Variants in USP34 observed in about 807,000 individuals in gnomAD.
USP34 encodes ubiquitin specific peptidase 34, also known as ubiquitin carboxyl-terminal hydrolase 34.
A neutral mutation model predicts 460.3 loss-of-function variants in USP34; 70 were observed. That is an observed-to-expected ratio of 0.15 (90% CI 0.13 to 0.19). The LOEUF is 0.19. USP34 is among the 10% of genes least tolerant of loss of function. USP34 has a pLI of 1.00. For missense variants in USP34, 3,985 were observed against 4,236.2 expected (o/e 0.94, Z 1.65); for synonymous variants, 1,647 against 1,405.3 (o/e 1.17, Z -3.85).
Position 61,296,666 on chromosome 2 carries a change from T to C in USP34, c.4254+134A>G, listed in dbSNP as rs533148615. 8 of 875,874 alleles carry C rather than the reference T, an allele frequency of 9.1e-6. No homozygotes were observed. In the East Asian group the frequency reaches 2.2e-4, roughly 25 times the overall value. 54.3% of individuals were successfully genotyped at this position (875,874 alleles called of 1,614,324 possible). A position where few individuals can be genotyped will look rare whatever the true frequency, so the allele number is the denominator to read the frequency against. ...AATGAACATTAAAATGCAGTGGCAC[T>C]TTTTACCTACTATATGGGTAAAAAC... is the stretch of plus-strand genomic sequence containing the variant. On this transcript the variant is annotated intron_variant, in intron 30 of 79. Coordinates refer to ENST00000398571, the MANE Select transcript of USP34 (RefSeq NM_014709.4).
At chr2:61,421,016 G>C (rs2103973014) in intron 1 of USP34, among the ~76,000 whole-genome samples, 183 bp from the exon 2 acceptor site, 1 of 151,690 alleles carries the variant, frequency 6.6e-6, no homozygotes, top group East Asian at 1.9e-4. Context: ...ATTTTTGACA[G>C]ATGTAAGGGG....
intron 43 of USP34, among the ~76,000 whole-genome samples, chr2:61,262,538 A>G (rs1688922846): frequency 6.6e-6 from 1 of 152,106 alleles, no homozygotes; most frequent in Non-Finnish European, 1.5e-5. Context: ...ATGGCTGCAT[A>G]GTGTTCTATG....
At chr2:61,334,223 T>C (rs1392618239) in intron 18 of USP34, among the ~76,000 whole-genome samples, 1 of 152,122 alleles carries the variant, frequency 6.6e-6, no homozygotes. Flanking sequence ...AAAAAGCAAG[T>C]GAAGAGCATT....
At chr2:61,297,476 C>T (rs1377212890) in intron 29 of USP34, among the ~76,000 whole-genome samples, 2 of 152,080 alleles carry the variant, frequency 1.3e-5, no homozygotes, top group East Asian at 3.8e-4. Flanking sequence ...CTTGCTAAGG[C>T]AAGAGTAAGC....
intron 16 of USP34, among the ~76,000 whole-genome samples, chr2:61,340,845 G>A (rs1324135636): frequency 6.9e-6 from 1 of 145,814 alleles, no homozygotes; most frequent in Non-Finnish European, 1.5e-5. Context: ...ATTTCTTCTA[G>A]TCTGTGGCTT....
chr2:61,452,406 C>A (rs1187659805), intron 1 of USP34, among the ~76,000 whole-genome samples: 1 of 142,884 alleles, frequency 7.0e-6, no homozygotes, highest in Admixed American at 7.5e-5. Context: ...CTCATTGCAA[C>A]CTCGACCTCC....
intron 19 of USP34, 114 bp from the exon 20 acceptor site, chr2:61,331,485 T>C (rs1477746968): frequency 1.1e-5 from 8 of 731,636 alleles, no homozygotes; most frequent in African/African-American, 1.8e-5. Context: ...AAAATTTTAG[T>C]TACGAAAAAT....
rs1223389056 is a variant in USP34, at chr2:61,412,092, G to A, written c.132-5964C>T. Among the ~76,000 whole-genome samples, 3 of 151,542 alleles carry A rather than the reference G, an allele frequency of 2.0e-5. No individual in the cohort carries two copies. The East Asian group carries it at 5.8e-4, about 29-fold the overall frequency. ...TAATCCCAGATACTTGGGAGGCTGA[G>A]GCAGGAGAACCACTTGAACCCAGGA... On this transcript the variant is annotated intron_variant, in intron 2 of 79. Coordinates refer to ENST00000398571, the MANE Select transcript of USP34 (RefSeq NM_014709.4).
Position 61,344,063 on chromosome 2 carries a change from T to A in USP34, c.2286-34A>T, listed in dbSNP as rs1475689750. On this transcript the variant is annotated intron_variant, in intron 15 of 79. Transcript: ENST00000398571. ...CAGAGAAAAGCACAAAGTTAGTAAT[T>A]ACGAATGTGAATCTAATTTGTGAAC... 4 of 1,592,786 alleles carry A rather than the reference T, an allele frequency of 2.5e-6. No individual in the cohort carries two copies. The Admixed American group carries it at 5.1e-5, about 20-fold the overall frequency.
At chr2:61,213,813 T>A (rs1344318408) in intron 68 of USP34, among the ~76,000 whole-genome samples, 2 of 152,172 alleles carry the variant, frequency 1.3e-5, no homozygotes, top group Non-Finnish European at 2.9e-5. Context: ...AACCACAAAT[T>A]AAAAAACAGG....
In USP34 at chr2:61,266,139, A is replaced by T; in HGVS notation, c.5462T>A (p.Leu1821Gln). The stretch of plus-strand genomic sequence containing the variant: ...GTCCTTTAGACTTGGCAACAAAAAC[A>T]GGAGATTGAAGATATCTCTCAAAAA... ...QEFLRDIFNLLFLLPSLKDRQ... is the reference protein window; with the variant it reads ...QEFLRDIFNLQFLLPSLKDRQ... The change falls in exon 42 of 80, where the codon CTG (leucine) becomes CAG (glutamine). Residue 1821 changes from leucine to glutamine, a missense_variant. By Grantham distance (113) the Leu-to-Gln change is moderately radical. Transcript: ENST00000398571. The T allele has an allele frequency of 1.9e-6, 3 of 1,611,596 alleles. No individual in the cohort carries two copies. The highest frequency in any genetic ancestry group is 2.5e-6 in the Non-Finnish European group (3 of 1,178,038).
rs775579882 is a variant in USP34 at position 61,223,271 on chromosome 2, T to G, written c.7621A>C (p.Met2541Leu). ...ERHLTLSQTD[M>L]AALTGGKGFP... ...ACCTTTCCTCCTGTTAATGCTGCCA[T>G]GTCAGTCTGTGATAATGTCAAATGC... The change falls in exon 63 of 80, where the codon ATG becomes CTG. Residue 2541 changes from methionine (M) to leucine (L), a missense_variant. Met to Leu is a conservative substitution (Grantham distance 15, BLOSUM62 2). Coordinates refer to ENST00000398571, the MANE Select transcript of USP34 (RefSeq NM_014709.4). The G allele has an allele frequency of 1.2e-6, 2 of 1,614,044 alleles. No individual in the cohort carries two copies. Among genetic ancestry groups the G allele is most frequent in the Non-Finnish European group, 1.7e-6 (2 of 1,179,972 alleles).
rs1183931082 is a variant in USP34 at position 61,278,456 on chromosome 2, A to T, written c.5257-13T>A. 1.1e-5 allele frequency: 17 copies of T among 1,504,098 alleles called. No individual in the cohort carries two copies. The highest frequency in any genetic ancestry group is 1.5e-5 in the Non-Finnish European group (17 of 1,128,454). 93.2% of individuals were successfully genotyped at this position (1,504,098 alleles called of 1,614,324 possible). On this transcript the variant is annotated splice_polypyrimidine_tract_variant and intron_variant, in intron 39 of 79. Coordinates refer to ENST00000398571, the MANE Select transcript of USP34 (RefSeq NM_014709.4). ...CGAGGAGCGTTGTCTTAATACAAAA[A>T]GAAAATAAAAATTCAAATATAAATT...
At chr2:61,191,963 A>G (rs1044888343) in intron 76 of USP34, among the ~76,000 whole-genome samples, 2 of 152,300 alleles carry the variant, frequency 1.3e-5, no homozygotes, top group Admixed American at 1.3e-4. Context: ...TACTGTAGAG[A>G]ACAACGTGGC....
At chr2:61,213,996 G>A (rs1396725989) in intron 68 of USP34, 64 bp downstream of exon 68, 82 of 1,574,322 alleles carry the variant, frequency 5.2e-5, no homozygotes, top group Non-Finnish European at 7.1e-5. Flanking sequence ...CTTCCCACCA[G>A]GGGAAAAACA....
intron 58 of USP34, among the ~76,000 whole-genome samples, chr2:61,230,824 A>G (rs938823562): frequency 6.1e-5 from 9 of 148,494 alleles, no homozygotes; most frequent in Admixed American, 6.0e-4. Flanking sequence ...AGCCTGGGCC[A>G]CAAGAGCGAA....
At chr2:61,370,737 T>C (rs1390827749) in intron 8 of USP34, among the ~76,000 whole-genome samples, 158 bp from the exon 9 acceptor site, 1 of 152,204 alleles carries the variant, frequency 6.6e-6, no homozygotes, top group Non-Finnish European at 1.5e-5. Flanking sequence ...ATAACTAGAA[T>C]GAAATATGAT....
rs1691358031 is a variant in USP34 at position 61,334,427 on chromosome 2, T to TGA, written c.2745-458_2745-457dup. Among the ~76,000 whole-genome samples, 10 of 152,230 alleles carry TGA rather than the reference T, an allele frequency of 6.6e-5. No individual in the cohort carries two copies. In the South Asian group the frequency reaches 2.1e-3, roughly 32 times the overall value. On this transcript the variant is annotated intron_variant, in intron 18 of 79. Coordinates refer to ENST00000398571, the MANE Select transcript of USP34 (RefSeq NM_014709.4). ...ATTACTTTAAAACTTCAAGTAGATCTGAGTCTGCCTATCCTCTGAAAGGAA... is the reference window on the plus strand; with the variant it reads ...ATTACTTTAAAACTTCAAGTAGATCTGAGAGTCTGCCTATCCTCTGAAAGGAA...
At chr2:61,194,349 A>C (rs1686731728) in intron 75 of USP34, 2 of 970,448 alleles carry the variant, frequency 2.1e-6, no homozygotes, top group Non-Finnish European at 2.5e-6. Flanking sequence ...ACATGTCATC[A>C]CATCTGTGGC....
Sources: gnomAD v4.1 joint callset for allele counts (sites outside exome capture counted in the v4.1 genomes callset) on GRCh38, gnomAD v4.1.1 for gene constraint, MANE v1.5 for transcripts, NCBI Gene and HGNC (gene_info 2026-07-23, HGNC 2026-07-21) for gene names.